ING5: variants seen among roughly 807,000 people sequenced by gnomAD.
The protein encoded by ING5 is inhibitor of growth family member 5, also known as inhibitor of growth protein 5.
In ING5, 17 loss-of-function variants were observed where a neutral mutation model predicts 37.4. The ratio of observed to expected loss-of-function variants is 0.45; its 90% CI spans 0.31 to 0.68. The LOEUF (loss-of-function observed/expected upper bound fraction) is 0.68, where lower values mean the gene tolerates loss of function less well. Among genes scored for constraint, ING5 ranks in the 30% least tolerant of loss-of-function variants. ING5 has a pLI of 0.05. For synonymous variants in ING5, 123 were observed against 116.6 expected (o/e 1.06, Z -0.36); for missense variants, 233 against 311.9 (o/e 0.75, Z 1.91).
chr2:241,707,588 G>A lies in ING5; in HGVS notation c.110-1628G>A, dbSNP rs565670848. On this transcript the variant is annotated intron_variant, in intron 2 of 7. Coordinates refer to ENST00000313552, the MANE Select transcript of ING5 (RefSeq NM_032329.6). ...GATTACAGACGTGAGTACCACACCC[G>A]GCCTGGGCACATGTTTTGCAAGACT... Among the ~76,000 whole-genome samples, 21 of 152,112 alleles carry A rather than the reference G, an allele frequency of 1.4e-4. 1 individual carries two copies. The highest frequency in any genetic ancestry group is 3.4e-3 in the Middle Eastern group (1 of 294).
intron 5 of ING5, among the ~76,000 whole-genome samples, chr2:241,717,599 CCTTTTTT>C (rs200019256): frequency 0.054 from 8,232 of 151,820 alleles, 503 homozygotes; most frequent in African/African-American, 0.14. Flanking sequence ...TTTAGGTTGA[CCTTTTTT>C]CTTTTATCGC....
In ING5 at chr2:241,725,318, T is replaced by G. The variant is rs1691569608; in HGVS notation, c.*287T>G. 1 of 436,708 alleles carries G rather than the reference T, an allele frequency of 2.3e-6. No homozygotes were observed. The highest frequency in any genetic ancestry group is 3.8e-5 in the Admixed American group (1 of 26,596). The allele number at this position is 436,708 out of a possible 1,614,324, so 27.1% of individuals were successfully genotyped here. On this transcript the variant is annotated 3_prime_UTR_variant, in exon 8 of 8. Transcript: ENST00000313552. ...TGGGCGGGCGCGCGTGAGCTCGGGC[T>G]GCCCGGCCGGGCGTGCGGGCGGGGA...
intron 1 of ING5, among the ~76,000 whole-genome samples, chr2:241,702,570 G>T (rs1168691390): frequency 6.6e-6 from 1 of 151,682 alleles, no homozygotes; most frequent in Non-Finnish European, 1.5e-5. Flanking sequence ...GCGCCCGTGT[G>T]CGCCGGCCTC....
At chr2:241,701,385 C>T (rs997813475), upstream of ING5, among the ~76,000 whole-genome samples, 1 of 152,242 alleles carries the variant, frequency 6.6e-6, no homozygotes, top group East Asian at 1.9e-4. Flanking sequence ...CTGCCTGCCT[C>T]GAGAGGTGGC....
intron 7 of ING5, 113 bp downstream of exon 7, chr2:241,723,384 G>A (rs2070476304): frequency 1.0e-5 from 12 of 1,164,462 alleles, no homozygotes; most frequent in African/African-American, 1.5e-5. Flanking sequence ...AGCGGGACAC[G>A]GTAGCCACGT....
intron 2 of ING5, among the ~76,000 whole-genome samples, chr2:241,693,650 C>CCCT (rs2069589922): frequency 2.3e-5 from 2 of 87,648 alleles, no homozygotes; most frequent in South Asian, 9.0e-4. Context: ...AGAAATACAA[C>CCCT]TCTTTTTTTT....
At chr2:241,693,092 C>A (rs1332271890) in intron 2 of ING5, among the ~76,000 whole-genome samples, 1 of 151,924 alleles carries the variant, frequency 6.6e-6, no homozygotes, top group African/African-American at 2.4e-5. Flanking sequence ...AACCCCGTCT[C>A]TACTAAATAT....
chr2:241,710,337 G>C (rs1163735068), intron 3 of ING5, among the ~76,000 whole-genome samples: 1 of 151,568 alleles, frequency 6.6e-6, no homozygotes, highest in African/African-American at 2.4e-5. Context: ...GGGCCTCACT[G>C]TGTCGCCCAG....
chr2:241,706,442 C>A (rs375901238), intron 2 of ING5, among the ~76,000 whole-genome samples: 1 of 151,654 alleles, frequency 6.6e-6, no homozygotes, highest in Non-Finnish European at 1.5e-5. Flanking sequence ...CCAGCCTGAT[C>A]GACATGGAGA....
chr2:241,704,288 C>T (rs1470594574), intron 1 of ING5, among the ~76,000 whole-genome samples: 1 of 152,112 alleles, frequency 6.6e-6, no homozygotes, highest in Non-Finnish European at 1.5e-5. Context: ...AAACTTTTGG[C>T]CAGTCCTGGT....
chr2:241,712,065 A>C lies in ING5; in HGVS notation c.476A>C (p.Lys159Thr). Residue 159 changes from lysine to threonine, a missense_variant, in exon 5 of 8, where the codon AAA becomes ACA. By Grantham distance (78) the Lys-to-Thr change is moderately conservative. This residue lies in a region of ING5 where 76 missense variants were observed against 68.2 expected (regional missense o/e 1.11). Coordinates refer to ENST00000313552, the MANE Select transcript of ING5 (RefSeq NM_032329.6). ...GACACACCAAAGAAAAAGAAGCACA[A>C]AGGAGGGTAAGAGGCTTTCCCCTCT... ...EEDTPKKKKHKGGSEFTDTIL... is the reference protein window; with the variant it reads ...EEDTPKKKKHTGGSEFTDTIL... 3 of 1,607,374 alleles carry C rather than the reference A, an allele frequency of 1.9e-6. No individual in the cohort carries two copies. Among genetic ancestry groups the C allele is most frequent in the Middle Eastern group, 1.7e-4 (1 of 6,040 alleles).
At chr2:241,705,467 G>T (rs539959643) in intron 2 of ING5, among the ~76,000 whole-genome samples, 1 of 132,078 alleles carries the variant, frequency 7.6e-6, no homozygotes, top group African/African-American at 2.9e-5. Context: ...GCACGATCTT[G>T]GCTCACTGCA....
At chr2:241,690,512 C>T (rs569940604) in exon 2 of ING5, 8 of 397,382 alleles carry the variant, frequency 2.0e-5, no homozygotes, top group Non-Finnish European at 3.6e-5. Flanking sequence ...TCAGCCCTGG[C>T]GTGGGCATAG....
chr2:241,717,314 T>G (rs1055972624), intron 5 of ING5, among the ~76,000 whole-genome samples: 2 of 152,106 alleles, frequency 1.3e-5, no homozygotes, highest in African/African-American at 4.8e-5. Flanking sequence ...CCAGTGACCC[T>G]CTCGCCTCAG....
intron 1 of ING5, among the ~76,000 whole-genome samples, chr2:241,689,115 TTTAA>T (rs1018290798): frequency 5.6e-5 from 7 of 124,200 alleles, no homozygotes; most frequent in African/African-American, 2.0e-4. Context: ...TATTTTTTAA[TTTAA>T]TTTTTTTTTT....
chr2:241,687,396 A>G (rs1233146846), exon 1 of ING5: 1 of 399,026 alleles, frequency 2.5e-6, no homozygotes, highest in Non-Finnish European at 4.4e-6. Flanking sequence ...GTTTGACAGC[A>G]GGGGCAGGAT....
chr2:241,687,024 C>T (rs904059305), upstream of ING5: 10 of 512,798 alleles, frequency 2.0e-5, no homozygotes, highest in Admixed American at 4.4e-5. Flanking sequence ...GGCCCCGTGT[C>T]CCGTGCGGGC....
intron 2 of ING5, among the ~76,000 whole-genome samples, chr2:241,693,595 A>G (rs2069589122): frequency 1.3e-5 from 2 of 149,792 alleles, no homozygotes; most frequent in South Asian, 2.1e-4. Context: ...GAGAGGCCCC[A>G]TGGAGTGTGC....
At chr2:241,694,900 G>A (rs113239860) in intron 2 of ING5, among the ~76,000 whole-genome samples, 1 of 131,444 alleles carries the variant, frequency 7.6e-6, no homozygotes, top group Non-Finnish European at 1.6e-5. Context: ...GGCGCCTGTA[G>A]TCCCAGCTAC....
Sources: allele counts gnomAD v4.1 joint callset (sites outside exome capture counted in the v4.1 genomes callset), GRCh38; gene constraint gnomAD v4.1.1; regional missense constraint gnomAD v4.1.1; transcripts MANE v1.5; gene names NCBI Gene and HGNC (gene_info 2026-07-23, HGNC 2026-07-21).